WDR33: variants seen among roughly 807,000 people sequenced by gnomAD.
WDR33 encodes the protein pre-mRNA 3' end processing protein WDR33.
Under a neutral mutation model 164.9 loss-of-function variants are expected in WDR33, and 47 were observed. That is an observed-to-expected ratio of 0.29 (90% CI 0.23 to 0.36). The LOEUF is 0.36. WDR33 is among the 10% of genes least tolerant of loss of function. WDR33 has a pLI of 1.00. For synonymous variants in WDR33, 505 were observed against 589.0 expected (o/e 0.86, Z 2.06); for missense variants, 1,137 against 1,754.1 (o/e 0.65, Z 6.28).
rs139967639 is a variant in WDR33 at position 127,709,269 on chromosome 2, C to T, written c.3565+221G>A. ...AGCAATTTAGTGGAAAGAGCAGTCC[C>T]GTTTTATACTCAGATAGATCCCTGT... On this transcript the variant is annotated intron_variant, in intron 20 of 21. Coordinates refer to ENST00000322313, the MANE Select transcript of WDR33 (RefSeq NM_018383.5). This position sits in a 1 kb window ranked among gnomAD's most constrained non-coding sequence, Gnocchi z 5.0. 2.4e-4 allele frequency among the ~76,000 whole-genome samples: 37 copies of T among 152,294 alleles called. No individual in the cohort carries two copies. The East Asian group carries it at 6.9e-3, about 29-fold the overall frequency.
At chr2:127,769,928 C>A (rs995383117) in intron 2 of WDR33, among the ~76,000 whole-genome samples, 2 of 152,186 alleles carry the variant, frequency 1.3e-5, no homozygotes, top group African/African-American at 4.8e-5. Context: ...AGGTAGACCC[C>A]TGCCTTGCCT....
intron 1 of WDR33, among the ~76,000 whole-genome samples, chr2:127,804,062 C>G (rs1360496792): frequency 2.0e-5 from 3 of 152,004 alleles, no homozygotes; most frequent in Non-Finnish European, 4.4e-5. Context: ...TGGCTCACAC[C>G]CGTAATCCCA....
At chr2:127,744,474 G>T (rs990305728) in intron 7 of WDR33, among the ~76,000 whole-genome samples, 5 of 152,168 alleles carry the variant, frequency 3.3e-5, no homozygotes, top group African/African-American at 7.2e-5. Flanking sequence ...AATAGCAAAA[G>T]AATATACGTA....
rs916376650 is a variant in WDR33, at chr2:127,701,166, G to A, written c.*5157C>T. Reference sequence around the variant, plus strand: ...ATCACCGCCACGGTAGACGCAGTGAGGCCATAAGACATTTCCGTCAGCAAA... The same window carrying A: ...ATCACCGCCACGGTAGACGCAGTGAAGCCATAAGACATTTCCGTCAGCAAA... On this transcript the variant is annotated 3_prime_UTR_variant, in exon 22 of 22. Transcript: ENST00000322313. The A allele has an allele frequency of 5.6e-6, 1 of 177,514 alleles. No individual in the cohort carries two copies. Among genetic ancestry groups the A allele is most frequent in the African/African-American group, 2.4e-5 (1 of 42,450 alleles). The allele number at this position is 177,514 out of a possible 1,614,324, so 11.0% of individuals were successfully genotyped here.
rs761213531 is a variant in WDR33, at chr2:127,719,639, G to A, written c.2386C>T (p.Pro796Ser). 4 of 1,613,844 alleles carry A rather than the reference G, an allele frequency of 2.5e-6. No individual in the cohort carries two copies. The highest frequency in any genetic ancestry group is 2.2e-5 in the East Asian group (1 of 44,880). Residue 796 changes from proline to serine, a missense_variant, in exon 16 of 22, where the codon CCT becomes TCT. Coordinates refer to ENST00000322313, the MANE Select transcript of WDR33 (RefSeq NM_018383.5). The surrounding 1 kb of genome is among the most constrained non-coding windows in gnomAD (Gnocchi z 6.5). ...GPPGPRENQG[P>S]APQGMIMGHP... ...CCCATAATCATCCCTTGGGGAGCAGGACCCTGGTTCTCCCGGGGGCCTGGA... is the reference window on the plus strand; with the variant it reads ...CCCATAATCATCCCTTGGGGAGCAGAACCCTGGTTCTCCCGGGGGCCTGGA...
intron 7 of WDR33, among the ~76,000 whole-genome samples, chr2:127,759,952 A>C (rs1235782429): frequency 6.6e-6 from 1 of 152,176 alleles, no homozygotes; most frequent in Non-Finnish European, 1.5e-5. Flanking sequence ...TGTATGCTTA[A>C]AGCTGAAAAA....
chr2:127,804,189 C>T (rs1009444154), intron 1 of WDR33, among the ~76,000 whole-genome samples: 14 of 151,926 alleles, frequency 9.2e-5, no homozygotes, highest in African/African-American at 2.4e-4. Flanking sequence ...GGCATGGTGG[C>T]GGGCGCCTGT....
At chr2:127,787,705 G>T (rs1161612577) in intron 1 of WDR33, among the ~76,000 whole-genome samples, 60 of 95,474 alleles carry the variant, frequency 6.3e-4, no homozygotes, top group African/African-American at 2.8e-3. Context: ...GGCTGGCCGG[G>T]CGGGGGGCTG....
Position 127,706,230 on chromosome 2 carries a change from A to G in WDR33, c.*93T>C. The G allele has an allele frequency of 8.2e-7, 1 of 1,224,604 alleles. No homozygotes were observed. Among genetic ancestry groups the G allele is most frequent in the Non-Finnish European group, 1.1e-6 (1 of 903,594 alleles). 75.9% of individuals were successfully genotyped at this position (1,224,604 alleles called of 1,614,324 possible). On this transcript the variant is annotated 3_prime_UTR_variant, in exon 22 of 22. Coordinates refer to ENST00000322313, the MANE Select transcript of WDR33 (RefSeq NM_018383.5). This position sits in a 1 kb window ranked among gnomAD's most constrained non-coding sequence, Gnocchi z 5.1. ...TGCCCAGAAAAGAGTTCAGGGCTAC[A>G]ATGGTGCAGGCTTCCTTTTGTTTCT...
In WDR33 at chr2:127,713,543, C is replaced by T; in HGVS notation, c.3308+40G>A. ...TTGTGGAGACAGCAGATAAAAAGCT[C>T]CACTGAAGATGGAATGGGCCCACAA... On this transcript the variant is annotated intron_variant, in intron 18 of 21. Transcript: ENST00000322313. This position sits in a 1 kb window ranked among gnomAD's most constrained non-coding sequence, Gnocchi z 6.2. 1.2e-6 allele frequency: 2 copies of T among 1,600,670 alleles called. No homozygotes were observed. Among genetic ancestry groups the T allele is most frequent in the Non-Finnish European group, 1.7e-6 (2 of 1,173,830 alleles).
chr2:127,711,950 C>T (rs1686191683), intron 18 of WDR33, among the ~76,000 whole-genome samples: 1 of 149,692 alleles, frequency 6.7e-6, no homozygotes, highest in Non-Finnish European at 1.5e-5. Flanking sequence ...TTTTTTGTAT[C>T]TTTAGTAGAG....
At position 127,702,123 on chromosome 2, in the gene WDR33, G is replaced by T; in HGVS notation, c.*4200C>A. 3 of 1,218,404 alleles carry T rather than the reference G, an allele frequency of 2.5e-6. No homozygotes were observed. Among genetic ancestry groups the T allele is most frequent in the Non-Finnish European group, 3.1e-6 (3 of 981,008 alleles). The allele number at this position is 1,218,404 out of a possible 1,614,324, so 75.5% of individuals were successfully genotyped here. ...GGGCGGCGGCACCGCGCTGCGCCTC[G>T]CACTGGGTCGCCTGGGCCGCGGCGC... is the stretch of plus-strand genomic sequence containing the variant. On this transcript the variant is annotated 3_prime_UTR_variant, in exon 22 of 22. Transcript: ENST00000322313.
intron 1 of WDR33, among the ~76,000 whole-genome samples, chr2:127,793,330 C>G (rs1308011193): frequency 6.6e-6 from 1 of 152,008 alleles, no homozygotes; most frequent in Non-Finnish European, 1.5e-5. Context: ...ACTCGGGAGG[C>G]TAAGGCAGGA....
At position 127,703,283 on chromosome 2, in the gene WDR33, G is replaced by A. The variant is rs957246706; in HGVS notation, c.*3040C>T. On this transcript the variant is annotated 3_prime_UTR_variant, in exon 22 of 22. Transcript: ENST00000322313. ...CAATGCAGTCAGAACCTGGGAAGTA[G>A]GTCCCAGACATCAGGACCTTTTTAA... is the stretch of plus-strand genomic sequence containing the variant. 5.4e-5 allele frequency: 9 copies of A among 167,040 alleles called. No individual in the cohort carries two copies. In the East Asian group the frequency reaches 1.7e-3, roughly 32 times the overall value. 10.3% of individuals were successfully genotyped at this position (167,040 alleles called of 1,614,324 possible).
chr2:127,763,537 A>T lies in WDR33; in HGVS notation c.627-378T>A, dbSNP rs935411245. The T allele has an allele frequency of 1.7e-4, 171 of 1,025,318 alleles. No individual in the cohort carries two copies. The highest frequency in any genetic ancestry group is 1.8e-4 in the Non-Finnish European group (154 of 854,520). 63.5% of individuals were successfully genotyped at this position (1,025,318 alleles called of 1,614,324 possible). A position where few individuals can be genotyped will look rare whatever the true frequency, so the allele number is the denominator to read the frequency against. On this transcript the variant is annotated intron_variant, in intron 6 of 21. Coordinates refer to ENST00000322313, the MANE Select transcript of WDR33 (RefSeq NM_018383.5). This position sits in a 1 kb window ranked among gnomAD's most constrained non-coding sequence, Gnocchi z 4.5. ...CTGCAGTCTTTTAAATCACACACGA[A>T]TACTGCTCCCAAAATTATCATCAGC...
intron 1 of WDR33, among the ~76,000 whole-genome samples, chr2:127,797,879 G>A (rs572566174): frequency 1.3e-5 from 2 of 152,122 alleles, no homozygotes; most frequent in South Asian, 4.1e-4. Flanking sequence ...CGGGCATGGT[G>A]GTACACAACT....
chr2:127,771,297 A>G (rs943776822), intron 1 of WDR33, among the ~76,000 whole-genome samples: 2 of 152,232 alleles, frequency 1.3e-5, no homozygotes, highest in African/African-American at 4.8e-5. Context: ...TAATGCTCTT[A>G]GGTTACAAAC....
chr2:127,804,407 T>G (rs1473389337), intron 1 of WDR33, among the ~76,000 whole-genome samples: 2 of 152,182 alleles, frequency 1.3e-5, no homozygotes, highest in Non-Finnish European at 2.9e-5. Context: ...CTAGAGAAAT[T>G]TGAGTATGAA....
At chr2:127,810,320 A>T (rs1467866814) in intron 1 of WDR33, among the ~76,000 whole-genome samples, 1 of 152,136 alleles carries the variant, frequency 6.6e-6, no homozygotes, top group Non-Finnish European at 1.5e-5. Flanking sequence ...GGAATTCCCT[A>T]CCGACCTGCC....
Sources: allele counts gnomAD v4.1 joint callset (sites outside exome capture counted in the v4.1 genomes callset), GRCh38; gene constraint gnomAD v4.1.1; non-coding constraint Gnocchi (gnomAD v3.1); transcripts MANE v1.5; gene names NCBI Gene and HGNC (gene_info 2026-07-23, HGNC 2026-07-21).